The following RYR3 variants were observed in gnomAD, a reference collection of about 807,000 sequenced individuals.
The protein encoded by RYR3 is ryanodine receptor 3, also known as brain ryanodine receptor-calcium release channel.
Under a neutral mutation model 584.3 loss-of-function variants are expected in RYR3, and 207 were observed. The ratio of observed to expected loss-of-function variants is 0.35; its 90% CI spans 0.32 to 0.40. The LOEUF (loss-of-function observed/expected upper bound fraction) is 0.40. Ranked by LOEUF, RYR3 falls within the 10% of genes least tolerant of loss-of-function variation. The probability of loss-of-function intolerance (pLI) is 1.00; values close to 1 mark genes in which losing one functional copy is unlikely to be tolerated. For synonymous variants in RYR3, 2,416 were observed against 2,248.5 expected (o/e 1.07, Z -2.11); for missense variants, 5,616 against 6,089.2 (o/e 0.92, Z 2.59).
Position 33,562,868 on chromosome 15 carries a change from A to C in RYR3, c.1004A>C (p.Lys335Thr). 6.2e-7 allele frequency: 1 copy of C among 1,613,418 alleles called. No individual in the cohort carries two copies. The highest frequency in any genetic ancestry group is 8.5e-7 in the Non-Finnish European group (1 of 1,179,466). The change falls in exon 11 of 104, where the codon AAG becomes ACG. Residue 335 changes from lysine to threonine, a missense_variant. Transcript: ENST00000634891. The part of the protein sequence containing the change: ...ELKEKLDSSH[K>T]RDIEGMGVPE... ...AAGGAGAAATTAGACTCCAGTCACA[A>C]GCGAGACATAGAAGGCATGGGAGTT...
chr15:33,707,103 G>A (rs564062450), intron 43 of RYR3, 49 bp downstream of exon 43: 18 of 1,600,212 alleles, frequency 1.1e-5, no homozygotes, highest in African/African-American at 5.4e-5. Flanking sequence ...TAGCATGATC[G>A]TGGATACCTA....
intron 3 of RYR3, among the ~76,000 whole-genome samples, chr15:33,525,445 G>T (rs181770354): frequency 2.6e-5 from 4 of 152,130 alleles, no homozygotes; most frequent in Admixed American, 6.5e-5. Context: ...GCAAAATATC[G>T]CACTAGAATT....
intron 1 of RYR3, among the ~76,000 whole-genome samples, chr15:33,361,530 A>G (rs1273672107): frequency 6.6e-6 from 1 of 152,190 alleles, no homozygotes; most frequent in African/African-American, 2.4e-5. Context: ...CCTTTCAAAG[A>G]GTAGACAGAG....
At chr15:33,854,633 G>C (rs1028503243) in intron 97 of RYR3, 133 bp from the exon 98 acceptor site, 7 of 1,219,262 alleles carry the variant, frequency 5.7e-6, no homozygotes, top group Non-Finnish European at 8.1e-6. Flanking sequence ...AGCAGATCTT[G>C]GGCCAGCTCA....
intron 1 of RYR3, among the ~76,000 whole-genome samples, chr15:33,324,439 G>A (rs1283376220): frequency 6.6e-6 from 1 of 152,144 alleles, no homozygotes; most frequent in Non-Finnish European, 1.5e-5. Flanking sequence ...TTATTTTGTA[G>A]ATGCTAATAT....
chr15:33,695,311 C>G (rs1208496130), intron 38 of RYR3, among the ~76,000 whole-genome samples: 3 of 152,178 alleles, frequency 2.0e-5, no homozygotes, highest in Non-Finnish European at 4.4e-5. Context: ...CCTCCTTTAC[C>G]TCCTATGCCA....
chr15:33,763,352 T>A (rs562994767), intron 60 of RYR3, among the ~76,000 whole-genome samples: 2 of 151,666 alleles, frequency 1.3e-5, no homozygotes, highest in East Asian at 3.9e-4. Flanking sequence ...TGGGAGAAAA[T>A]TTTTGCAATC....
At chr15:33,787,877 A>G (rs1160449953) in intron 66 of RYR3, among the ~76,000 whole-genome samples, 2 of 152,256 alleles carry the variant, frequency 1.3e-5, no homozygotes, top group Non-Finnish European at 2.9e-5. Context: ...CCGAAAGCAA[A>G]AAGAATGGAC....
chr15:33,769,112 G>A lies in RYR3; in HGVS notation c.8756G>A (p.Gly2919Asp), dbSNP rs2073360887. The change falls in exon 62 of 104, where the codon GGT becomes GAT. Residue 2919 changes from glycine to aspartate, a missense_variant and splice_region_variant. Coordinates refer to ENST00000634891, the MANE Select transcript of RYR3 (RefSeq NM_001036.6). The stretch of plus-strand genomic sequence containing the variant: ...TCACAGATGATTTTTTTTATTCCAG[G>A]TAGTGATTCTACTACAATGGTGAGC... ...ALVRHRISLF[G>D]SDSTTMVSCL... 6.2e-7 allele frequency: 1 copy of A among 1,611,220 alleles called. No individual in the cohort carries two copies. The highest frequency in any genetic ancestry group is 8.5e-7 in the Non-Finnish European group (1 of 1,177,440).
chr15:33,740,616 G>C (rs2069989025), intron 51 of RYR3, among the ~76,000 whole-genome samples: 1 of 152,238 alleles, frequency 6.6e-6, no homozygotes, highest in Non-Finnish European at 1.5e-5. Flanking sequence ...ATATTGCTAA[G>C]TTTTGGCTTG....
intron 11 of RYR3, 82 bp downstream of exon 11, chr15:33,563,092 G>GATTGTGTCTCAGAA (rs2057500557): frequency 9.0e-7 from 1 of 1,115,560 alleles, no homozygotes; most frequent in African/African-American, 1.6e-5. Context: ...TGAGAACCAG[G>GATTGTGTCTCAGAA]TGGACATGAT....
At chr15:33,612,040 C>T (rs2060221231) in intron 18 of RYR3, among the ~76,000 whole-genome samples, 1 of 152,142 alleles carries the variant, frequency 6.6e-6, no homozygotes, top group African/African-American at 2.4e-5. Context: ...ATCTTTTTAT[C>T]TTTTGCTGGA....
At chr15:33,636,324 C>A in intron 26 of RYR3, 52 bp from the exon 27 acceptor site, 1 of 1,495,292 alleles carries the variant, frequency 6.7e-7, no homozygotes, top group East Asian at 2.3e-5. Flanking sequence ...TCTCCAGCTG[C>A]TGGGGCCTCT....
chr15:33,636,161 A>G (rs995594622), intron 26 of RYR3, among the ~76,000 whole-genome samples: 9 of 152,198 alleles, frequency 5.9e-5, no homozygotes, highest in Non-Finnish European at 1.0e-4. Context: ...GATTATTGCC[A>G]TAGCTGTGAC....
chr15:33,572,688 C>CACACACACACACACATAT lies in RYR3; in HGVS notation c.1268+5891_1268+5892insACACACACACACATATAC, dbSNP rs368204203. On this transcript the variant is annotated intron_variant, in intron 12 of 103. Coordinates refer to ENST00000634891, the MANE Select transcript of RYR3 (RefSeq NM_001036.6). ...ACACACACACACACACACACACACA[C>CACACACACACACACATAT]ACTGGGCTGGGCACAATGGCTCACG... Among the ~76,000 whole-genome samples, 98 of 131,442 alleles carry CACACACACACACACATAT rather than the reference C, an allele frequency of 7.5e-4. 1 individual carries two copies. The South Asian group carries it at 8.5e-3, about 11-fold the overall frequency. 86.2% of individuals were successfully genotyped at this position (131,442 alleles called of 152,430 possible).
intron 36 of RYR3, 95 bp from the exon 37 acceptor site, chr15:33,669,259 T>G: frequency 1.2e-6 from 1 of 840,564 alleles, no homozygotes. Flanking sequence ...GTAAAATAAA[T>G]TTGAAAAGAA....
chr15:33,774,632 A>G (rs1304127026), intron 64 of RYR3, among the ~76,000 whole-genome samples: 2 of 152,246 alleles, frequency 1.3e-5, no homozygotes, highest in Non-Finnish European at 2.9e-5. Flanking sequence ...GTTTCTTCAT[A>G]ATCACGGCTT....
intron 81 of RYR3, among the ~76,000 whole-genome samples, 169 bp downstream of exon 81, chr15:33,823,241 A>G (rs997015947): frequency 6.6e-6 from 1 of 152,214 alleles, no homozygotes; most frequent in African/African-American, 2.4e-5. Context: ...CTTCAGGATG[A>G]CAATTCAGCT....
intron 1 of RYR3, among the ~76,000 whole-genome samples, chr15:33,336,500 A>AGG (rs1219078532): frequency 0.03 from 1,058 of 35,514 alleles, 182 homozygotes; most frequent in Middle Eastern, 0.083. Context: ...GAAAGAAAGA[A>AGG]AGAAGGAGGG....
Sources: allele counts gnomAD v4.1 joint callset (sites outside exome capture counted in the v4.1 genomes callset), GRCh38; gene constraint gnomAD v4.1.1; transcripts MANE v1.5; gene names NCBI Gene and HGNC (gene_info 2026-07-23, HGNC 2026-07-21).